The following COL25A1 variants were observed in gnomAD, a reference collection of about 807,000 sequenced individuals.
COL25A1 encodes the protein collagen alpha-1(XXV) chain.
A neutral mutation model predicts 128.4 loss-of-function variants in COL25A1; 103 were observed. The observed-to-expected ratio is 0.80, with a 90% CI of 0.68 to 0.94. COL25A1 has a LOEUF of 0.94. Among genes scored for constraint, COL25A1 ranks in the 40% least tolerant of loss-of-function variants. COL25A1 has a pLI of 0.00. For synonymous variants in COL25A1, 279 were observed against 277.2 expected (o/e 1.01, Z -0.06); for missense variants, 745 against 840.0 (o/e 0.89, Z 1.40).
intron 3 of COL25A1, among the ~76,000 whole-genome samples, chr4:109,121,748 A>G (rs528926187): frequency 2.0e-4 from 30 of 152,232 alleles, no homozygotes; most frequent in African/African-American, 7.0e-4. Context: ...CTCTTACCAC[A>G]TGATTCAGCA....
intron 33 of COL25A1, among the ~76,000 whole-genome samples, chr4:108,826,866 T>C (rs1297226325): frequency 6.6e-6 from 1 of 152,144 alleles, no homozygotes; most frequent in African/African-American, 2.4e-5. Flanking sequence ...TAGGATCCTG[T>C]TCTCGAGTTA....
chr4:109,059,378 A>G (rs1000249416), intron 3 of COL25A1, among the ~76,000 whole-genome samples: 1 of 152,230 alleles, frequency 6.6e-6, no homozygotes, highest in African/African-American at 2.4e-5. Context: ...TTGGTCACTT[A>G]TTAAACACAC....
intron 5 of COL25A1, among the ~76,000 whole-genome samples, chr4:109,021,067 A>G (rs1457081196): frequency 1.3e-5 from 2 of 152,346 alleles, no homozygotes; most frequent in Admixed American, 1.3e-4. Context: ...GCTCCCAGTC[A>G]GCCACTCAGT....
intron 3 of COL25A1, among the ~76,000 whole-genome samples, chr4:109,193,724 C>A (rs1347324644): frequency 6.6e-6 from 1 of 152,120 alleles, no homozygotes; most frequent in Admixed American, 6.5e-5. Context: ...GAGTAGGAGT[C>A]CCCTGTTGCT....
intron 3 of COL25A1, among the ~76,000 whole-genome samples, chr4:109,158,655 T>A (rs766634606): frequency 9.9e-5 from 15 of 152,196 alleles, no homozygotes; most frequent in Admixed American, 6.5e-5. Flanking sequence ...GAATTAAACG[T>A]GATTCATGGA....
chr4:109,010,778 CA>C (rs1756504613), intron 5 of COL25A1, among the ~76,000 whole-genome samples: 1 of 152,210 alleles, frequency 6.6e-6, no homozygotes, highest in African/African-American at 2.4e-5. Context: ...GCTACATATT[CA>C]AACATGACAG....
At chr4:109,270,694 T>C (rs897729877) in intron 3 of COL25A1, among the ~76,000 whole-genome samples, 2 of 152,186 alleles carry the variant, frequency 1.3e-5, no homozygotes, top group Admixed American at 6.5e-5. Context: ...TAACAGTATA[T>C]GGAACCAAGC....
chr4:109,102,259 CTT>C (rs932347912), intron 3 of COL25A1, among the ~76,000 whole-genome samples: 19 of 151,866 alleles, frequency 1.3e-4, no homozygotes, highest in African/African-American at 4.6e-4. Context: ...TTTAATTACT[CTT>C]GTGATTTTTT....
chr4:109,019,373 C>CATATATATATATAT (rs1271683280), intron 5 of COL25A1, among the ~76,000 whole-genome samples: 1,402 of 31,138 alleles, frequency 0.045, 20 homozygotes, highest in East Asian at 0.1. Flanking sequence ...CACACACACA[C>CATATATATATATAT]ACATATATAT....
chr4:109,036,757 A>T (rs1443471323), intron 5 of COL25A1, among the ~76,000 whole-genome samples: 1 of 152,224 alleles, frequency 6.6e-6, no homozygotes, highest in Non-Finnish European at 1.5e-5. Context: ...ATGGTGAAAG[A>T]TATATACATT....
intron 3 of COL25A1, among the ~76,000 whole-genome samples, chr4:109,093,761 C>T (rs1179513362): frequency 1.3e-5 from 2 of 151,966 alleles, no homozygotes; most frequent in Non-Finnish European, 2.9e-5. Context: ...TATATGAGGC[C>T]AAACATGAAA....
At chr4:109,115,232 C>T (rs953570949) in intron 3 of COL25A1, among the ~76,000 whole-genome samples, 2 of 151,982 alleles carry the variant, frequency 1.3e-5, no homozygotes, top group Non-Finnish European at 2.9e-5. Flanking sequence ...ACAAAGAAAA[C>T]AAATACCTTT....
intron 3 of COL25A1, among the ~76,000 whole-genome samples, chr4:109,295,812 T>C (rs1360176975): frequency 3.3e-5 from 5 of 152,082 alleles, no homozygotes; most frequent in South Asian, 4.1e-4. Flanking sequence ...TGCTTGCCTA[T>C]GTGAATCGCT....
At chr4:109,138,916 C>T (rs1770098647) in intron 3 of COL25A1, among the ~76,000 whole-genome samples, 1 of 152,070 alleles carries the variant, frequency 6.6e-6, no homozygotes, top group South Asian at 2.1e-4. Context: ...ACCCTGTTAG[C>T]CAGGATGGTC....
chr4:108,861,336 A>G (rs773111367), intron 22 of COL25A1, among the ~76,000 whole-genome samples: 18 of 152,160 alleles, frequency 1.2e-4, no homozygotes, highest in Non-Finnish European at 1.9e-4. Context: ...ATTTGGGGCA[A>G]AGGGAAAAAG....
chr4:108,824,234 G>T lies in COL25A1; in HGVS notation c.1792-7C>A. The T allele has an allele frequency of 6.3e-7, 1 of 1,597,836 alleles. No individual in the cohort carries two copies. The highest frequency in any genetic ancestry group is 8.5e-7 in the Non-Finnish European group (1 of 1,172,044). ...CCCGTGGACCAGGGAAGCCCTGTAA[G>T]ATAAAAAGCAAACCAAAAAGATCTA... On this transcript the variant is annotated splice_polypyrimidine_tract_variant and splice_region_variant and intron_variant, in intron 34 of 37. Transcript: ENST00000399132.
At chr4:109,179,568 T>A (rs1774434358) in intron 3 of COL25A1, among the ~76,000 whole-genome samples, 1 of 152,264 alleles carries the variant, frequency 6.6e-6, no homozygotes, top group Non-Finnish European at 1.5e-5. Context: ...CAATTTGTTT[T>A]AAAAATCTTA....
intron 8 of COL25A1, among the ~76,000 whole-genome samples, chr4:108,973,225 T>C (rs1032399504): frequency 6.6e-6 from 1 of 152,226 alleles, no homozygotes; most frequent in African/African-American, 2.4e-5. Context: ...TTCACATCCA[T>C]GACAGTGGAT....
chr4:108,974,836 A>C (rs1752270754), intron 6 of COL25A1, among the ~76,000 whole-genome samples: 1 of 152,240 alleles, frequency 6.6e-6, no homozygotes, highest in African/African-American at 2.4e-5. Context: ...AGTAGAACCC[A>C]GTTAAAGAAA....
Sources: gnomAD v4.1 joint callset for allele counts (sites outside exome capture counted in the v4.1 genomes callset) on GRCh38, gnomAD v4.1.1 for gene constraint, MANE v1.5 for transcripts, NCBI Gene and HGNC (gene_info 2026-07-23, HGNC 2026-07-21) for gene names.